The following SPOCK1 variants were observed in gnomAD, a reference collection of about 807,000 sequenced individuals.
SPOCK1 encodes the protein testican-1.
A neutral mutation model predicts 55.3 loss-of-function variants in SPOCK1; 23 were observed. That is an observed-to-expected ratio of 0.42 (90% CI 0.30 to 0.59). SPOCK1 has a LOEUF of 0.59. Ranked by LOEUF, SPOCK1 falls within the 20% of genes least tolerant of loss-of-function variation. SPOCK1 has a pLI of 0.22. For missense variants in SPOCK1, 499 were observed against 552.5 expected (o/e 0.90, Z 0.97); for synonymous variants, 226 against 221.0 (o/e 1.02, Z -0.20).
chr5:137,327,459 G>A (rs900163889), intron 2 of SPOCK1, among the ~76,000 whole-genome samples: 1 of 152,150 alleles, frequency 6.6e-6, no homozygotes, highest in Non-Finnish European at 1.5e-5. Flanking sequence ...AAATATCCCT[G>A]TGGCACTGGC....
chr5:137,300,436 T>G (rs1002729566), intron 2 of SPOCK1, among the ~76,000 whole-genome samples: 1 of 152,342 alleles, frequency 6.6e-6, no homozygotes, highest in East Asian at 1.9e-4. Flanking sequence ...CGATTTGTAT[T>G]GTATAGAACA....
At chr5:137,486,750 T>C (rs1384624297) in intron 2 of SPOCK1, among the ~76,000 whole-genome samples, 1 of 152,260 alleles carries the variant, frequency 6.6e-6, no homozygotes, top group Admixed American at 6.5e-5. Context: ...AATTCTGGCA[T>C]GTAAAAATCT....
intron 2 of SPOCK1, among the ~76,000 whole-genome samples, chr5:137,356,832 T>TAGAGAGAGAGAG (rs1264084655): frequency 7.9e-4 from 8 of 10,186 alleles, no homozygotes; most frequent in Non-Finnish European, 1.4e-3. Flanking sequence ...TATATATATA[T>TAGAGAGAGAGAG]ATATATAGAG....
At chr5:137,351,995 A>G (rs368704607) in intron 2 of SPOCK1, among the ~76,000 whole-genome samples, 3 of 152,324 alleles carry the variant, frequency 2.0e-5, no homozygotes, top group African/African-American at 4.8e-5. Flanking sequence ...AAGCAAGGAT[A>G]TGGACAGAGA....
chr5:137,162,564 T>C (rs1037793971), intron 3 of SPOCK1, among the ~76,000 whole-genome samples: 1 of 152,182 alleles, frequency 6.6e-6, no homozygotes, highest in Non-Finnish European at 1.5e-5. Flanking sequence ...CACAACTGTG[T>C]GCAGAGGTGG....
chr5:137,485,618 G>C (rs1580953586), intron 2 of SPOCK1, among the ~76,000 whole-genome samples: 1 of 152,150 alleles, frequency 6.6e-6, no homozygotes, highest in South Asian at 2.1e-4. Context: ...ATGCCTCAGA[G>C]AGTGCTATTA....
intron 2 of SPOCK1, among the ~76,000 whole-genome samples, chr5:137,489,165 AG>A (rs1299112276): frequency 6.6e-6 from 1 of 152,192 alleles, no homozygotes; most frequent in African/African-American, 2.4e-5. Context: ...AAGGGCAAGA[AG>A]GTGCACATGC....
At chr5:137,486,053 A>G (rs1754048832) in intron 2 of SPOCK1, among the ~76,000 whole-genome samples, 1 of 152,178 alleles carries the variant, frequency 6.6e-6, no homozygotes, top group Non-Finnish European at 1.5e-5. Flanking sequence ...TATGTTTTCC[A>G]TAATTATTCC....
At chr5:137,076,274 A>G (rs570598021) in intron 5 of SPOCK1, among the ~76,000 whole-genome samples, 1 of 152,196 alleles carries the variant, frequency 6.6e-6, no homozygotes, top group East Asian at 1.9e-4. Context: ...CTCTCATTGC[A>G]CTCACCACTG....
At chr5:137,083,754 C>T (rs1409159379) in intron 5 of SPOCK1, among the ~76,000 whole-genome samples, 3 of 152,128 alleles carry the variant, frequency 2.0e-5, no homozygotes, top group Non-Finnish European at 2.9e-5. Context: ...GGACACACAT[C>T]GCCCCCAATA....
At chr5:137,027,580 T>A (rs1038784405) in intron 6 of SPOCK1, among the ~76,000 whole-genome samples, 5 of 152,178 alleles carry the variant, frequency 3.3e-5, no homozygotes, top group Non-Finnish European at 7.3e-5. Context: ...TTTATTTAAT[T>A]TTAATTCATT....
chr5:137,185,969 G>A (rs185106983), intron 3 of SPOCK1, among the ~76,000 whole-genome samples: 110 of 152,318 alleles, frequency 7.2e-4, no homozygotes, highest in African/African-American at 2.5e-3. Flanking sequence ...GGGCAGAAGC[G>A]GGAAAGGCAG....
chr5:137,426,590 T>C (rs936423243), intron 2 of SPOCK1, among the ~76,000 whole-genome samples: 1 of 152,188 alleles, frequency 6.6e-6, no homozygotes, highest in Non-Finnish European at 1.5e-5. Context: ...TCATCTCCCC[T>C]AGAAAAACTC....
intron 3 of SPOCK1, among the ~76,000 whole-genome samples, chr5:137,148,233 C>A (rs1487528908): frequency 2.0e-5 from 3 of 152,158 alleles, no homozygotes; most frequent in East Asian, 3.9e-4. Context: ...AAGGACTACC[C>A]ACTACTGAGA....
intron 2 of SPOCK1, among the ~76,000 whole-genome samples, chr5:137,325,433 G>A (rs1264416328): frequency 2.6e-5 from 4 of 152,188 alleles, no homozygotes; most frequent in Middle Eastern, 3.2e-3. Flanking sequence ...AAGAGAGCCA[G>A]ATCTTGTATA....
intron 3 of SPOCK1, among the ~76,000 whole-genome samples, chr5:137,172,286 C>T (rs771794065): frequency 1.3e-5 from 2 of 152,116 alleles, no homozygotes; most frequent in African/African-American, 2.4e-5. Context: ...TTTCCTGAGC[C>T]CCTCCATTCA....
At chr5:137,078,240 A>G (rs371987436) in intron 5 of SPOCK1, among the ~76,000 whole-genome samples, 13 of 152,126 alleles carry the variant, frequency 8.5e-5, no homozygotes, top group African/African-American at 2.6e-4. Flanking sequence ...AGAAAGGAAG[A>G]GGATGTTCTG....
intron 2 of SPOCK1, among the ~76,000 whole-genome samples, chr5:137,291,151 T>C (rs1261487528): frequency 6.6e-6 from 1 of 152,064 alleles, no homozygotes; most frequent in South Asian, 2.1e-4. Context: ...TGGTGATCTA[T>C]AGAATAGGAA....
At chr5:137,067,907 G>T in intron 5 of SPOCK1, 78 bp from the exon 6 acceptor site, 1 of 1,198,922 alleles carries the variant, frequency 8.3e-7, no homozygotes, top group South Asian at 1.3e-5. Flanking sequence ...AAACAGCAGT[G>T]CCCTTTGCTT....
Sources: allele counts gnomAD v4.1 joint callset (sites outside exome capture counted in the v4.1 genomes callset), GRCh38; gene constraint gnomAD v4.1.1; transcripts MANE v1.5; gene names NCBI Gene and HGNC (gene_info 2026-07-23, HGNC 2026-07-21).